Variants in HTR1E observed in about 807,000 individuals in gnomAD.
HTR1E encodes 5-hydroxytryptamine receptor 1E.
A neutral mutation model predicts 3.4 loss-of-function variants in HTR1E; 3 were observed. The ratio of observed to expected loss-of-function variants is 0.89; its 90% CI spans 0.41 to 2.31. The LOEUF is 2.31. Ranked by LOEUF, HTR1E falls within the 30% of genes most tolerant of loss-of-function variation. The pLI, the probability that HTR1E is intolerant of heterozygous loss-of-function variation, is 0.05. For missense variants in HTR1E, 392 were observed against 467.0 expected (o/e 0.84, Z 1.48); for synonymous variants, 170 against 182.8 (o/e 0.93, Z 0.56).
chr6:87,008,517 A>G (rs1443331036), intron 1 of HTR1E, among the ~76,000 whole-genome samples: 1 of 152,238 alleles, frequency 6.6e-6, no homozygotes, highest in African/African-American at 2.4e-5. Context: ...GTGAATTAAC[A>G]ATTATTGAAA....
chr6:87,013,833 G>T (rs1470981155), intron 1 of HTR1E, among the ~76,000 whole-genome samples: 1 of 151,976 alleles, frequency 6.6e-6, no homozygotes, highest in South Asian at 2.1e-4. Flanking sequence ...GTGGGCGAAG[G>T]ATATGAACAG....
chr6:86,973,132 G>A (rs914389474), intron 1 of HTR1E, among the ~76,000 whole-genome samples: 2 of 152,122 alleles, frequency 1.3e-5, no homozygotes, highest in Admixed American at 6.6e-5. Flanking sequence ...ACTTTCCTGG[G>A]GGGTAAAAAC....
intron 1 of HTR1E, among the ~76,000 whole-genome samples, chr6:86,966,168 A>G (rs1562062905): frequency 6.6e-6 from 1 of 152,142 alleles, no homozygotes; most frequent in African/African-American, 2.4e-5. Context: ...TGAATACAGG[A>G]TCTGGGTGGG....
Position 87,016,089 on chromosome 6 carries a change from C to A in HTR1E, c.755C>A (p.Pro252His). 1 of 1,614,168 alleles carries A rather than the reference C, an allele frequency of 6.2e-7. No homozygotes were observed. ...FCVSDFSTSD[P>H]TTEFEKFHAS... ...GTGTCTGACTTCTCCACCTCAGACC[C>A]TACCACAGAGTTTGAAAAGTTCCAT... The change falls in exon 2 of 2, where the codon CCT becomes CAT. Residue 252 changes from proline to histidine, a missense_variant. Pro to His is a moderately conservative substitution (Grantham distance 77). Coordinates refer to ENST00000305344, the MANE Select transcript of HTR1E (RefSeq NM_000865.3).
intron 1 of HTR1E, among the ~76,000 whole-genome samples, chr6:86,953,159 A>G (rs1384187945): frequency 6.6e-6 from 1 of 152,180 alleles, no homozygotes. Context: ...TTTGGTTGTG[A>G]GTAAAAACAT....
intron 1 of HTR1E, among the ~76,000 whole-genome samples, chr6:86,951,008 T>G (rs949692492): frequency 2.0e-5 from 3 of 152,192 alleles, no homozygotes; most frequent in Non-Finnish European, 4.4e-5. Context: ...TGCTCAGATT[T>G]TTCAGCACCA....
chr6:87,015,645 C>A lies in HTR1E; in HGVS notation c.311C>A (p.Thr104Asn). The change falls in exon 2 of 2, where the codon ACC becomes AAC. Residue 104 changes from threonine to asparagine, a missense_variant. This residue lies in a region of HTR1E where 189 missense variants were observed against 258.0 expected (regional missense o/e 0.73). Transcript: ENST00000305344. Reference protein sequence around the residue: ...LCEVWLSVDMTCCTCSILHLC... With the variant: ...LCEVWLSVDMNCCTCSILHLC... ...GAGGTGTGGCTGAGTGTGGACATGACCTGCTGCACCTGCTCCATCCTCCAC... is the reference window on the plus strand; with the variant it reads ...GAGGTGTGGCTGAGTGTGGACATGAACTGCTGCACCTGCTCCATCCTCCAC... 3.7e-6 allele frequency: 6 copies of A among 1,614,134 alleles called. No individual in the cohort carries two copies. Among genetic ancestry groups the A allele is most frequent in the Non-Finnish European group, 5.1e-6 (6 of 1,180,016 alleles).
intron 1 of HTR1E, among the ~76,000 whole-genome samples, chr6:87,007,188 G>A (rs984156491): frequency 6.6e-6 from 1 of 152,160 alleles, no homozygotes; most frequent in African/African-American, 2.4e-5. Context: ...GAATGGAACT[G>A]GAGATCATTA....
At chr6:86,978,456 C>A (rs1368779682) in intron 1 of HTR1E, among the ~76,000 whole-genome samples, 8 of 152,134 alleles carry the variant, frequency 5.3e-5, no homozygotes, top group Admixed American at 5.2e-4. Context: ...CATAGGAGAA[C>A]CAGTCTGAAT....
intron 1 of HTR1E, among the ~76,000 whole-genome samples, chr6:86,993,490 TC>T (rs1767897214): frequency 1.3e-5 from 2 of 151,862 alleles, no homozygotes; most frequent in African/African-American, 4.8e-5. Context: ...GAACTATTAT[TC>T]GTGTAGGAGT....
intron 1 of HTR1E, among the ~76,000 whole-genome samples, chr6:86,953,541 G>A (rs1033542903): frequency 5.3e-5 from 8 of 152,088 alleles, no homozygotes; most frequent in African/African-American, 1.2e-4. Flanking sequence ...CTCAACATCC[G>A]GGATGCTACA....
chr6:86,966,055 T>A (rs557730040), intron 1 of HTR1E, among the ~76,000 whole-genome samples: 1 of 152,264 alleles, frequency 6.6e-6, no homozygotes, highest in African/African-American at 2.4e-5. Flanking sequence ...ATAGATGGTC[T>A]TCCCCTATAT....
At chr6:87,006,278 T>C (rs1768106356) in intron 1 of HTR1E, among the ~76,000 whole-genome samples, 1 of 152,174 alleles carries the variant, frequency 6.6e-6, no homozygotes, top group African/African-American at 2.4e-5. Flanking sequence ...ACATCTGCAC[T>C]CCCATGTTTA....
At chr6:86,971,050 A>G in intron 1 of HTR1E, 1 of 510,338 alleles carries the variant, frequency 2.0e-6, no homozygotes, top group Non-Finnish European at 3.9e-6. Context: ...AAAACACTTC[A>G]AAGAAGCAAA....
intron 1 of HTR1E, among the ~76,000 whole-genome samples, chr6:86,946,146 T>C (rs982404253): frequency 6.6e-6 from 1 of 152,220 alleles, no homozygotes; most frequent in Non-Finnish European, 1.5e-5. Flanking sequence ...AAGTGTACAG[T>C]GTTTTTAAAG....
Position 87,015,334 on chromosome 6 carries a change from C to A in HTR1E, c.-1C>A, listed in dbSNP as rs1309871588. Reference sequence around the variant, plus strand: ...ACAGTGTAGACTGAAACAAGGGAAACATGAACATCACAAACTGTACCACAG... The same window carrying A: ...ACAGTGTAGACTGAAACAAGGGAAAAATGAACATCACAAACTGTACCACAG... On this transcript the variant is annotated 5_prime_UTR_variant, in exon 2 of 2. Coordinates refer to ENST00000305344, the MANE Select transcript of HTR1E (RefSeq NM_000865.3). 3.9e-6 allele frequency: 6 copies of A among 1,539,156 alleles called. No homozygotes were observed. The African/African-American group carries it at 4.1e-5, about 11-fold the overall frequency.
chr6:86,979,522 C>G (rs944131708), intron 1 of HTR1E, among the ~76,000 whole-genome samples: 7 of 152,096 alleles, frequency 4.6e-5, no homozygotes, highest in Non-Finnish European at 7.3e-5. Context: ...AAGGTGACTG[C>G]CTCTTGGATA....
intron 1 of HTR1E, among the ~76,000 whole-genome samples, chr6:86,939,304 A>G (rs906098058): frequency 1.3e-5 from 2 of 152,212 alleles, no homozygotes; most frequent in Non-Finnish European, 2.9e-5. Context: ...CATATTTAAA[A>G]CAGAGTATGT....
rs1767156587 is a variant in HTR1E, at chr6:86,948,344, TACTATTGG to T, written c.-186+10525_-186+10532del. Among the ~76,000 whole-genome samples the T allele has an allele frequency of 2.6e-5, 4 of 152,344 alleles. No homozygotes were observed. In the South Asian group the frequency reaches 8.3e-4, roughly 32 times the overall value. On this transcript the variant is annotated intron_variant, in intron 1 of 1. Coordinates refer to ENST00000305344, the MANE Select transcript of HTR1E (RefSeq NM_000865.3). ...TACTATATCTTATTTAACCAGTCAT[TACTATTGG>T]ACTTTTAGGTGGTTGTCAGTTTTTA... is the stretch of plus-strand genomic sequence containing the variant.
Sources: gnomAD v4.1 joint callset for allele counts (sites outside exome capture counted in the v4.1 genomes callset) on GRCh38, gnomAD v4.1.1 for gene constraint, gnomAD v4.1.1 regional missense constraint, MANE v1.5 for transcripts, NCBI Gene and HGNC (gene_info 2026-07-23, HGNC 2026-07-21) for gene names.